B3GALT1: variants seen among roughly 807,000 people sequenced by gnomAD.
The protein encoded by B3GALT1 is beta-1,3-galactosyltransferase 1.
B3GALT1 carries 10 observed loss-of-function variants against 23.2 expected under a neutral mutation model. That is an observed-to-expected ratio of 0.43 (90% CI 0.27 to 0.73). The LOEUF (loss-of-function observed/expected upper bound fraction) is 0.73, where lower values mean the gene tolerates loss of function less well. B3GALT1 is among the 30% of genes least tolerant of loss of function. The pLI, the probability that B3GALT1 is intolerant of heterozygous loss-of-function variation, is 0.21. For synonymous variants in B3GALT1, 156 were observed against 141.5 expected (o/e 1.10, Z -0.73); for missense variants, 299 against 405.4 (o/e 0.74, Z 2.25).
chr2:167,364,736 A>T (rs1393048576), intron 1 of B3GALT1, among the ~76,000 whole-genome samples: 5 of 152,200 alleles, frequency 3.3e-5, no homozygotes, highest in Admixed American at 3.3e-4. Context: ...ATATATACAC[A>T]TACACCCAGA....
intron 2 of B3GALT1, among the ~76,000 whole-genome samples, chr2:167,497,017 C>T (rs1261653219): frequency 6.6e-6 from 1 of 152,132 alleles, no homozygotes; most frequent in Non-Finnish European, 1.5e-5. Flanking sequence ...AACAAACCTG[C>T]ACGTTGTGCA....
chr2:167,339,168 C>T (rs1317165705), intron 1 of B3GALT1, among the ~76,000 whole-genome samples: 2 of 152,112 alleles, frequency 1.3e-5, no homozygotes, highest in Non-Finnish European at 2.9e-5. Context: ...ATGTTCATAG[C>T]AACATTGACT....
At chr2:167,704,348 C>T (rs781750108) in intron 3 of B3GALT1, among the ~76,000 whole-genome samples, 3 of 151,672 alleles carry the variant, frequency 2.0e-5, no homozygotes, top group East Asian at 1.9e-4. Context: ...GCCTGCTTAC[C>T]GAATAATATT....
At chr2:167,715,747 A>G (rs1446065538) in intron 3 of B3GALT1, 13 of 1,612,996 alleles carry the variant, frequency 8.1e-6, no homozygotes, top group Non-Finnish European at 1.0e-5. Context: ...ACTGTACTTC[A>G]TAGCCTTCAT....
chr2:167,450,617 C>A (rs965868231), intron 1 of B3GALT1, among the ~76,000 whole-genome samples: 5 of 152,196 alleles, frequency 3.3e-5, no homozygotes, highest in African/African-American at 1.2e-4. Flanking sequence ...TGCCTCACAG[C>A]TCTTAAGATT....
chr2:167,845,237 C>T (rs574878419), intron 4 of B3GALT1, among the ~76,000 whole-genome samples: 1 of 152,170 alleles, frequency 6.6e-6, no homozygotes, highest in Non-Finnish European at 1.5e-5. Context: ...CTCCATACTA[C>T]CACAGCTGGT....
At chr2:167,404,521 C>T (rs893341133) in intron 1 of B3GALT1, among the ~76,000 whole-genome samples, 3 of 152,096 alleles carry the variant, frequency 2.0e-5, no homozygotes, top group African/African-American at 4.8e-5. Flanking sequence ...CAGTATAACT[C>T]GTTTACCTGG....
At chr2:167,483,186 G>A (rs1183841719) in intron 1 of B3GALT1, among the ~76,000 whole-genome samples, 1 of 151,894 alleles carries the variant, frequency 6.6e-6, no homozygotes, top group Non-Finnish European at 1.5e-5. Flanking sequence ...CCAGCTACTC[G>A]GAAGGCTGAG....
At chr2:167,574,720 G>T (rs2105402641) in intron 2 of B3GALT1, among the ~76,000 whole-genome samples, 1 of 151,748 alleles carries the variant, frequency 6.6e-6, no homozygotes, top group Non-Finnish European at 1.5e-5. Flanking sequence ...TATAAATTTA[G>T]GAAGTGTATA....
intron 2 of B3GALT1, among the ~76,000 whole-genome samples, chr2:167,628,335 CT>C (rs1197087079): frequency 1.3e-5 from 2 of 151,542 alleles, no homozygotes; most frequent in Non-Finnish European, 3.0e-5. Context: ...TGAGAGTAAA[CT>C]TTTAGGAGAC....
chr2:167,497,474 C>G (rs1314954563), intron 2 of B3GALT1, among the ~76,000 whole-genome samples: 1 of 152,108 alleles, frequency 6.6e-6, no homozygotes, highest in East Asian at 1.9e-4. Flanking sequence ...CTCAATTGTA[C>G]CGATCACCAA....
In B3GALT1 at chr2:167,562,192, C is replaced by T. The variant is rs551648235; in HGVS notation, c.-410+71915C>T. Among the ~76,000 whole-genome samples the T allele has an allele frequency of 1.2e-4, 19 of 152,208 alleles. No individual in the cohort carries two copies. In the South Asian group the frequency reaches 3.9e-3, roughly 32 times the overall value. ...AATGTAATCCAACATATAAACAGAACCAAAGGCAAAAACCACATGATTATC... is the reference window on the plus strand; with the variant it reads ...AATGTAATCCAACATATAAACAGAATCAAAGGCAAAAACCACATGATTATC... On this transcript the variant is annotated intron_variant, in intron 2 of 4. Coordinates refer to ENST00000392690, the MANE Select transcript of B3GALT1 (RefSeq NM_020981.4).
chr2:167,628,409 T>A (rs1380180923), intron 2 of B3GALT1, among the ~76,000 whole-genome samples: 1 of 151,662 alleles, frequency 6.6e-6, no homozygotes, highest in African/African-American at 2.4e-5. Context: ...TGTAGTACCA[T>A]TCAATAAAAA....
At chr2:167,409,356 A>G (rs1279846689) in intron 1 of B3GALT1, among the ~76,000 whole-genome samples, 1 of 152,000 alleles carries the variant, frequency 6.6e-6, no homozygotes, top group Non-Finnish European at 1.5e-5. Context: ...TTCCAACTTG[A>G]TTCTATTCTC....
At position 167,417,749 on chromosome 2, in the gene B3GALT1, T is replaced by G. The variant is rs182269558; in HGVS notation, c.-510-72428T>G. ...CACTTCACCCATCAGGCCCAGTGAG[T>G]CACAGACTATTATAATAATGGTCAT... On this transcript the variant is annotated intron_variant, in intron 1 of 4. Coordinates refer to ENST00000392690, the MANE Select transcript of B3GALT1 (RefSeq NM_020981.4). 9.1e-4 allele frequency among the ~76,000 whole-genome samples: 139 copies of G among 152,244 alleles called. 1 individual carries two copies. In the South Asian group the frequency reaches 0.014, roughly 15 times the overall value.
Position 167,375,216 on chromosome 2 carries a change from G to A in B3GALT1, c.-511+81882G>A, listed in dbSNP as rs543139809. On this transcript the variant is annotated intron_variant, in intron 1 of 4. Coordinates refer to ENST00000392690, the MANE Select transcript of B3GALT1 (RefSeq NM_020981.4). The stretch of plus-strand genomic sequence containing the variant: ...AGTCTAGGTATCTGTTTTTGTGCCA[G>A]AACCATGCTGTTTTGGTTACTGTCG... Among the ~76,000 whole-genome samples, 37 of 152,210 alleles carry A rather than the reference G, an allele frequency of 2.4e-4. No homozygotes were observed. In the East Asian group the frequency reaches 5.8e-3, roughly 24 times the overall value.
chr2:167,534,726 G>C (rs1230900322), intron 2 of B3GALT1, among the ~76,000 whole-genome samples: 1 of 152,094 alleles, frequency 6.6e-6, no homozygotes, highest in African/African-American at 2.4e-5. Context: ...TAGATATTTA[G>C]ATATTTATAT....
At chr2:167,492,679 A>G (rs926378575) in intron 2 of B3GALT1, among the ~76,000 whole-genome samples, 1 of 152,198 alleles carries the variant, frequency 6.6e-6, no homozygotes, top group Non-Finnish European at 1.5e-5. Flanking sequence ...GCTAATAAGT[A>G]TGTTGTGGTT....
chr2:167,764,698 A>G (rs1435202781), intron 3 of B3GALT1, among the ~76,000 whole-genome samples: 7 of 152,248 alleles, frequency 4.6e-5, no homozygotes, highest in Non-Finnish European at 5.9e-5. Flanking sequence ...ACATTAGCAA[A>G]AGGGCCTAAA....
Sources: allele counts gnomAD v4.1 joint callset (sites outside exome capture counted in the v4.1 genomes callset), GRCh38; gene constraint gnomAD v4.1.1; transcripts MANE v1.5; gene names NCBI Gene and HGNC (gene_info 2026-07-23, HGNC 2026-07-21).